AUTS2: variants seen among roughly 807,000 people sequenced by gnomAD.
The protein encoded by AUTS2 is autism susceptibility gene 2 protein.
In AUTS2, 17 loss-of-function variants were observed where a neutral mutation model predicts 112.4. The observed-to-expected ratio is 0.15, with a 90% CI of 0.10 to 0.23. The LOEUF (loss-of-function observed/expected upper bound fraction) is 0.23, where lower values mean the gene tolerates loss of function less well. Among genes scored for constraint, AUTS2 ranks in the 10% least tolerant of loss-of-function variants. The pLI, the probability that AUTS2 is intolerant of heterozygous loss-of-function variation, is 1.00. For synonymous variants in AUTS2, 751 were observed against 702.7 expected (o/e 1.07, Z -1.09); for missense variants, 1,510 against 1,701.6 (o/e 0.89, Z 1.98).
At chr7:69,608,977 C>T (rs1468521321) in intron 1 of AUTS2, among the ~76,000 whole-genome samples, 1 of 152,194 alleles carries the variant, frequency 6.6e-6, no homozygotes, top group Non-Finnish European at 1.5e-5. Flanking sequence ...TTTTTCATAG[C>T]AGCCTTTTGA....
At chr7:70,328,603 G>A (rs1403875845) in intron 4 of AUTS2, among the ~76,000 whole-genome samples, 1 of 152,040 alleles carries the variant, frequency 6.6e-6, no homozygotes, top group Non-Finnish European at 1.5e-5. Flanking sequence ...GGGTTAAGCT[G>A]GTGGGCTAGA....
intron 4 of AUTS2, among the ~76,000 whole-genome samples, chr7:70,435,154 G>A (rs1795837934): frequency 6.6e-6 from 1 of 152,106 alleles, no homozygotes; most frequent in South Asian, 2.1e-4. Flanking sequence ...TTTTTATAGG[G>A]AATGTTCCTT....
At chr7:70,565,331 T>C (rs984520345) in intron 5 of AUTS2, among the ~76,000 whole-genome samples, 4 of 152,286 alleles carry the variant, frequency 2.6e-5, no homozygotes, top group South Asian at 2.1e-4. Context: ...GGTAGCAGTT[T>C]ATTATACAGT....
intron 4 of AUTS2, among the ~76,000 whole-genome samples, chr7:70,423,235 T>A (rs1236916105): frequency 6.6e-6 from 1 of 152,216 alleles, no homozygotes; most frequent in Non-Finnish European, 1.5e-5. Flanking sequence ...ATTTTTGCAG[T>A]TACCTCTGGG....
At chr7:70,070,305 G>A (rs532666249) in intron 2 of AUTS2, among the ~76,000 whole-genome samples, 13 of 152,116 alleles carry the variant, frequency 8.5e-5, no homozygotes, top group South Asian at 4.2e-4. Context: ...GATGCTGGGC[G>A]CAGTGGCCTG....
intron 2 of AUTS2, among the ~76,000 whole-genome samples, chr7:70,094,549 T>C (rs1196521638): frequency 3.3e-5 from 5 of 152,200 alleles, no homozygotes; most frequent in African/African-American, 1.2e-4. Context: ...CCAATGCGAG[T>C]AGTAAAACAT....
chr7:70,204,601 C>T (rs183217958), intron 4 of AUTS2, among the ~76,000 whole-genome samples: 2 of 152,202 alleles, frequency 1.3e-5, no homozygotes, highest in Admixed American at 6.5e-5. Context: ...TTAAGGAAAT[C>T]TTAAGTCTAA....
intron 1 of AUTS2, among the ~76,000 whole-genome samples, chr7:69,645,126 G>A (rs1362993804): frequency 6.7e-6 from 1 of 149,088 alleles, no homozygotes; most frequent in Admixed American, 6.7e-5. Flanking sequence ...TGCCCTGGCT[G>A]GTGTCAAACT....
chr7:70,245,070 A>G (rs1812826587), intron 4 of AUTS2, among the ~76,000 whole-genome samples: 1 of 148,914 alleles, frequency 6.7e-6, no homozygotes, highest in Non-Finnish European at 1.5e-5. Context: ...CAGTGAGCCA[A>G]GGTTGCACCA....
chr7:69,614,569 C>T (rs1436486241), intron 1 of AUTS2, among the ~76,000 whole-genome samples: 1 of 151,644 alleles, frequency 6.6e-6, no homozygotes, highest in East Asian at 1.9e-4. Context: ...CAGGCATTCT[C>T]AAACTCCTGG....
chr7:70,036,456 G>T (rs903861580), intron 2 of AUTS2, among the ~76,000 whole-genome samples: 2 of 152,148 alleles, frequency 1.3e-5, no homozygotes, highest in African/African-American at 4.8e-5. Flanking sequence ...ACTCTTTTAG[G>T]CTGGGTAGGG....
chr7:70,568,710 T>G (rs1220364947), intron 5 of AUTS2, among the ~76,000 whole-genome samples: 1 of 152,194 alleles, frequency 6.6e-6, no homozygotes, highest in African/African-American at 2.4e-5. Flanking sequence ...GCACTGCTCC[T>G]GAATCCACCA....
intron 1 of AUTS2, among the ~76,000 whole-genome samples, chr7:69,650,409 C>G (rs1376442729): frequency 6.6e-6 from 1 of 152,188 alleles, no homozygotes; most frequent in Non-Finnish European, 1.5e-5. Flanking sequence ...CTGTAGCCTT[C>G]CTATCCCAGG....
intron 1 of AUTS2, among the ~76,000 whole-genome samples, chr7:69,838,741 G>T (rs1296953883): frequency 6.6e-6 from 1 of 152,156 alleles, no homozygotes; most frequent in African/African-American, 2.4e-5. Flanking sequence ...TGGAAACTTA[G>T]CTGCTGTGGT....
chr7:70,180,141 A>G (rs1315891340), intron 4 of AUTS2, among the ~76,000 whole-genome samples: 1 of 152,248 alleles, frequency 6.6e-6, no homozygotes, highest in Non-Finnish European at 1.5e-5. Context: ...CAGGGAAACT[A>G]AAATAAATAC....
chr7:69,614,690 C>T (rs934409158), intron 1 of AUTS2, among the ~76,000 whole-genome samples: 1 of 151,908 alleles, frequency 6.6e-6, no homozygotes, highest in Non-Finnish European at 1.5e-5. Context: ...TGCAATGTTA[C>T]CCAGGCTGAT....
chr7:70,463,298 A>G (rs1316387251), intron 5 of AUTS2, among the ~76,000 whole-genome samples: 1 of 152,228 alleles, frequency 6.6e-6, no homozygotes, highest in African/African-American at 2.4e-5. Flanking sequence ...AGAAAACCCT[A>G]GCAGAAAGTA....
At chr7:69,937,258 G>A (rs1360702048) in intron 2 of AUTS2, among the ~76,000 whole-genome samples, 1 of 152,186 alleles carries the variant, frequency 6.6e-6, no homozygotes. Context: ...AAACCACTTT[G>A]GCCACAGATA....
At chr7:70,168,205 C>T (rs966233126) in intron 4 of AUTS2, among the ~76,000 whole-genome samples, 2 of 152,198 alleles carry the variant, frequency 1.3e-5, no homozygotes, top group Non-Finnish European at 2.9e-5. Flanking sequence ...ACTCGTTGAT[C>T]TTCAGATGTG....
Sources: gnomAD v4.1 joint callset for allele counts (sites outside exome capture counted in the v4.1 genomes callset) on GRCh38, gnomAD v4.1.1 for gene constraint, MANE v1.5 for transcripts, NCBI Gene and HGNC (gene_info 2026-07-23, HGNC 2026-07-21) for gene names.